WWOX: variants seen among roughly 807,000 people sequenced by gnomAD.
The protein encoded by WWOX is WW domain containing oxidoreductase, also known as WW domain-containing oxidoreductase.
A neutral mutation model predicts 46.2 loss-of-function variants in WWOX; 69 were observed. The ratio of observed to expected loss-of-function variants is 1.49; its 90% confidence interval spans 1.23 to 1.82. The LOEUF (loss-of-function observed/expected upper bound fraction) is 1.82. Among genes scored for constraint, WWOX ranks in the 40% most tolerant of loss-of-function variants. WWOX has a pLI of 0.00. For missense variants in WWOX, 919 were observed against 542.6 expected, an observed-to-expected ratio of 1.69 and a Z score of -6.89; for synonymous variants, 359 against 202.6, an observed-to-expected ratio of 1.77 and a Z score of -6.56.
In WWOX at chr16:78,679,862, C is replaced by T. The variant is rs1444899835; in HGVS notation, c.1056+247110C>T. Among the ~76,000 whole-genome samples the T allele has an allele frequency of 2.0e-5, 3 of 152,200 alleles. No homozygotes were observed. The East Asian group carries it at 5.8e-4, about 29-fold the overall frequency. On this transcript the variant is annotated intron_variant, in intron 8 of 8. Coordinates refer to ENST00000566780, the MANE Select transcript of WWOX (RefSeq NM_016373.4). ...TTTAGGGGCCATGCTGTCATTGCTG[C>T]CGCATTTGCTTAGGTGGGCTCTGAG...
At chr16:78,728,004 A>G (rs1391917752) in intron 8 of WWOX, among the ~76,000 whole-genome samples, 1 of 148,422 alleles carries the variant, frequency 6.7e-6, no homozygotes, top group Non-Finnish European at 1.5e-5. Context: ...TAAGAAACCT[A>G]TTACAAGTGA....
chr16:78,570,630 C>A (rs1158545749), intron 8 of WWOX, among the ~76,000 whole-genome samples: 1 of 152,086 alleles, frequency 6.6e-6, no homozygotes. Flanking sequence ...GTTACTCAAC[C>A]AGCTTCCTAC....
intron 8 of WWOX, among the ~76,000 whole-genome samples, chr16:78,639,238 A>G (rs951751279): frequency 4.6e-5 from 7 of 152,184 alleles, no homozygotes; most frequent in Admixed American, 3.3e-4. Context: ...AGGCCCAGGC[A>G]TCAATGACAC....
chr16:78,577,340 A>T lies in WWOX; in HGVS notation c.1056+144588A>T, dbSNP rs538084910. On this transcript the variant is annotated intron_variant, in intron 8 of 8. Coordinates refer to ENST00000566780, the MANE Select transcript of WWOX (RefSeq NM_016373.4). ...AATATATGTTTAAAACCTTGTTCAG[A>T]TTTTTAGCTTTCTTCAGAACAGAGC... 5.3e-5 allele frequency among the ~76,000 whole-genome samples: 8 copies of T among 152,276 alleles called. No individual in the cohort carries two copies. The South Asian group carries it at 8.3e-4, about 16-fold the overall frequency.
chr16:78,600,963 CT>C lies in WWOX; in HGVS notation c.1056+168214del, dbSNP rs2045608371. Among the ~76,000 whole-genome samples the C allele has an allele frequency of 2.6e-5, 4 of 152,166 alleles. No individual in the cohort carries two copies. The South Asian group carries it at 8.3e-4, about 32-fold the overall frequency. ...TGGAGGTACCTGGGCAAGAGACTGC[CT>C]TTCCTACTAGAGCTTCTGCCATCCC... On this transcript the variant is annotated intron_variant, in intron 8 of 8. Coordinates refer to ENST00000566780, the MANE Select transcript of WWOX (RefSeq NM_016373.4).
At chr16:78,161,983 T>G (rs1440577059) in intron 4 of WWOX, among the ~76,000 whole-genome samples, 5 of 152,208 alleles carry the variant, frequency 3.3e-5, no homozygotes, top group Admixed American at 2.0e-4. Context: ...CAGATTTCAC[T>G]CTTACCATTT....
At chr16:78,351,463 A>G (rs1383887959) in intron 5 of WWOX, among the ~76,000 whole-genome samples, 1 of 152,148 alleles carries the variant, frequency 6.6e-6, no homozygotes, top group Admixed American at 6.5e-5. Context: ...GAGGGGGGAT[A>G]TCATATACGC....
rs543763287 is a variant in WWOX at position 79,151,525 on chromosome 16, T to A, written c.1057-60083T>A. 3.9e-5 allele frequency among the ~76,000 whole-genome samples: 6 copies of A among 152,322 alleles called. No individual in the cohort carries two copies. The South Asian group carries it at 1.2e-3, about 32-fold the overall frequency. On this transcript the variant is annotated intron_variant, in intron 8 of 8. Coordinates refer to ENST00000566780, the MANE Select transcript of WWOX (RefSeq NM_016373.4). ...TCCTTCTACATGATCAGTGTTCAGG[T>A]TGAAGACAAACAGGGCTCCAATTAT...
Position 78,243,375 on chromosome 16 carries a change from CT to C in WWOX, c.516+79089del, listed in dbSNP as rs2037719296. Among the ~76,000 whole-genome samples the C allele has an allele frequency of 3.3e-5, 5 of 152,024 alleles. No individual in the cohort carries two copies. In the South Asian group the frequency reaches 1.0e-3, roughly 32 times the overall value. ...TTATTAATTTTCATTTTTTAAAAAA[CT>C]TTAGTTTCTGGGGTACTCGTGCAGG... On this transcript the variant is annotated intron_variant, in intron 5 of 8. Transcript: ENST00000566780.
chr16:78,119,419 A>T lies in WWOX; in HGVS notation c.409+4265A>T, dbSNP rs1020566081. Among the ~76,000 whole-genome samples, 3 of 152,100 alleles carry T rather than the reference A, an allele frequency of 2.0e-5. 1 individual carries two copies. The highest frequency in any genetic ancestry group is 7.2e-5 in the African/African-American group (3 of 41,380). ...TTAGTATAAAATGCTGCCCCCTGCT[A>T]CCTGCAGGCTGACATGTTGCTCATC... On this transcript the variant is annotated intron_variant, in intron 4 of 8. Transcript: ENST00000566780.
At chr16:78,730,173 A>T (rs948371033) in intron 8 of WWOX, among the ~76,000 whole-genome samples, 1 of 152,074 alleles carries the variant, frequency 6.6e-6, no homozygotes, top group African/African-American at 2.4e-5. Flanking sequence ...ATTTTGTTCT[A>T]TTTTATTTTA....
chr16:78,800,794 C>G lies in WWOX; in HGVS notation c.1056+368042C>G, dbSNP rs371533376. On this transcript the variant is annotated intron_variant, in intron 8 of 8. Coordinates refer to ENST00000566780, the MANE Select transcript of WWOX (RefSeq NM_016373.4). ...TGGGTCTGTGTCAGGCATGTAGCAG[C>G]CACAGCAAACTTCTCTTGAGATAGC... 2.8e-3 allele frequency among the ~76,000 whole-genome samples: 430 copies of G among 152,266 alleles called. 2 individuals carry two copies. The highest frequency in any genetic ancestry group is 1.0e-2 in the African/African-American group (415 of 41,538).
chr16:78,451,286 T>G (rs1461469364), intron 8 of WWOX, among the ~76,000 whole-genome samples: 2 of 151,022 alleles, frequency 1.3e-5, no homozygotes, highest in Admixed American at 6.6e-5. Flanking sequence ...AATAGGAGAT[T>G]CACTGTGATT....
chr16:78,671,011 G>A (rs1299567306), intron 8 of WWOX, among the ~76,000 whole-genome samples: 1 of 151,930 alleles, frequency 6.6e-6, no homozygotes, highest in Non-Finnish European at 1.5e-5. Context: ...CCAAGGCTGT[G>A]GCTACACCAG....
At chr16:79,132,165 CA>C (rs1187220833) in intron 8 of WWOX, among the ~76,000 whole-genome samples, 77 of 149,802 alleles carry the variant, frequency 5.1e-4, no homozygotes, top group African/African-American at 1.8e-3. Flanking sequence ...CACACACACA[CA>C]CCCCTTCCTA....
intron 8 of WWOX, among the ~76,000 whole-genome samples, chr16:78,990,344 GC>G (rs1256322513): frequency 1.3e-5 from 2 of 152,238 alleles, no homozygotes; most frequent in Non-Finnish European, 2.9e-5. Context: ...TCCTCCTTGT[GC>G]CTTGAGAAGG....
chr16:78,328,368 T>C (rs1340203835), intron 5 of WWOX, among the ~76,000 whole-genome samples: 2 of 152,204 alleles, frequency 1.3e-5, no homozygotes, highest in Non-Finnish European at 2.9e-5. Context: ...ATATGATTGA[T>C]GTAAGTCGTA....
chr16:78,754,455 C>G (rs1380768149), intron 8 of WWOX, among the ~76,000 whole-genome samples: 1 of 152,120 alleles, frequency 6.6e-6, no homozygotes, highest in Non-Finnish European at 1.5e-5. Context: ...GATTTGAAAG[C>G]CAATGTTCTC....
intron 8 of WWOX, among the ~76,000 whole-genome samples, chr16:78,478,529 G>A (rs1886654457): frequency 6.6e-6 from 1 of 152,150 alleles, no homozygotes; most frequent in Admixed American, 6.5e-5. Context: ...CAAATGGCTT[G>A]GCAGCCTACT....
Sources: gnomAD v4.1 joint callset for allele counts (sites outside exome capture counted in the v4.1 genomes callset) on GRCh38, gnomAD v4.1.1 for gene constraint, MANE v1.5 for transcripts, NCBI Gene and HGNC (gene_info 2026-07-23, HGNC 2026-07-21) for gene names.